The following EPPK1 variants were observed in gnomAD, a reference collection of about 807,000 sequenced individuals.
EPPK1 encodes epiplakin 1, also known as epiplakin.
For synonymous variants in EPPK1, 1,862 were observed against 1,721.2 expected (o/e 1.08, Z -2.03); for missense variants, 3,823 against 3,673.3 (o/e 1.04, Z -1.05).
rs782458066 is a variant in EPPK1 at position 143,868,159 on chromosome 8, C to G, written c.5095G>C (p.Val1699Leu). ...GIIDPVHSHR[V>L]PVDVAYRCGY... ...CAGCGGTAGGCCACGTCCACGGGCA[C>G]GCGGTGGCTGTGCACGGGGTCGATG... The change falls in exon 2 of 2, where the codon GTG (valine) becomes CTG (leucine). Residue 1699 changes from valine to leucine, a missense_variant. Transcript: ENST00000615648. 7 of 1,613,114 alleles carry G rather than the reference C, an allele frequency of 4.3e-6. No individual in the cohort carries two copies. In the Admixed American group the frequency reaches 8.3e-5, roughly 19 times the overall value.
rs1554657876 is a variant in EPPK1, at chr8:143,857,992, G to A, written c.15262C>T (p.Gln5088Ter). ...ACTGCACGGAGGAAGCCCAGTCACTGTAGAGAGAGAGAAAGAAATAGGAGC... is the reference window on the plus strand; with the variant it reads ...ACTGCACGGAGGAAGCCCAGTCACTATAGAGAGAGAGAAAGAAATAGGAGC... The part of the protein sequence containing the change: ...TGLLFLSLSL[Q>*] The change falls in exon 2 of 2, where the codon CAG (glutamine) becomes TAG (stop). Residue 5088 changes from glutamine (Q) to a stop codon, truncating the protein, a stop_gained. Transcript: ENST00000615648. LOFTEE classifies it high-confidence loss of function. 2 of 1,599,482 alleles carry A rather than the reference G, an allele frequency of 1.3e-6. No individual in the cohort carries two copies. Among genetic ancestry groups the A allele is most frequent in the Non-Finnish European group, 1.7e-6 (2 of 1,171,516 alleles).
Position 143,868,559 on chromosome 8 carries a change from C to A in EPPK1, c.4695G>T (p.Arg1565=). ...KEVAEMDSVK[R]SLEGGNFIAG... ...CAATGAAGTTGCCTCCCTCCAGGGACCGCTTCACGCTGTCCATCTCCGCCA... is the reference window on the plus strand; with the variant it reads ...CAATGAAGTTGCCTCCCTCCAGGGAACGCTTCACGCTGTCCATCTCCGCCA... Residue 1565 remains arginine (R), a synonymous_variant, in exon 2 of 2, where the codon CGG becomes CGT. Transcript: ENST00000615648. The A allele has an allele frequency of 6.2e-7, 1 of 1,604,064 alleles. No individual in the cohort carries two copies. Among genetic ancestry groups the A allele is most frequent in the Non-Finnish European group, 8.5e-7 (1 of 1,175,976 alleles).
At position 143,867,240 on chromosome 8, in the gene EPPK1, C is replaced by T; in HGVS notation, c.6014G>A (p.Arg2005Lys). ...KQLIEKAEAL[R>K]LLEVQVATGG... is the part of the protein sequence containing the mutation. The stretch of plus-strand genomic sequence containing the variant: ...CGTGGCCACCTGCACCTCCAGCAGC[C>T]TCAGTGCCTCCGCCTTCTCGATGAG... The change falls in exon 2 of 2, where the codon AGG (arginine) becomes AAG (lysine). Residue 2005 changes from arginine (R) to lysine (K), a missense_variant. By Grantham distance (26) the Arg-to-Lys change is conservative. Transcript: ENST00000615648. The T allele has an allele frequency of 6.2e-7, 1 of 1,612,756 alleles. No homozygotes were observed. The highest frequency in any genetic ancestry group is 8.5e-7 in the Non-Finnish European group (1 of 1,179,822).
chr8:143,877,923 G>C (rs1025267574), intron 1 of EPPK1, among the ~76,000 whole-genome samples: 1 of 152,018 alleles, frequency 6.6e-6, no homozygotes, highest in South Asian at 2.1e-4. Flanking sequence ...GACCCGGAGT[G>C]GCCACCCCTG....
In EPPK1 at chr8:143,867,418, G is replaced by T. The variant is rs782460294; in HGVS notation, c.5836C>A (p.Arg1946Ser). The T allele has an allele frequency of 6.2e-7, 1 of 1,612,812 alleles. No individual in the cohort carries two copies. The highest frequency in any genetic ancestry group is 1.1e-5 in the South Asian group (1 of 91,078). Residue 1946 changes from arginine (R) to serine (S), a missense_variant, in exon 2 of 2, where the codon CGC becomes AGC. Physicochemically the swap from Arg to Ser is moderately radical, Grantham distance 110. Transcript: ENST00000615648. ...ATGFLLDPCT[R>S]QKLSVDEAVD... The stretch of plus-strand genomic sequence containing the variant: ...GCCTCATCCACAGAGAGCTTCTGGC[G>T]GGTGCAGGGGTCCAGGAGGAACCCG...
chr8:143,878,054 C>T (rs752169391), intron 1 of EPPK1, among the ~76,000 whole-genome samples: 3 of 152,114 alleles, frequency 2.0e-5, no homozygotes, highest in Admixed American at 6.5e-5. Context: ...TGGGCGTTCC[C>T]CACCCTGCAG....
intron 1 of EPPK1, among the ~76,000 whole-genome samples, chr8:143,874,614 G>A (rs1323446217): frequency 2.0e-5 from 3 of 152,126 alleles, no homozygotes; most frequent in African/African-American, 4.8e-5. Context: ...CCCACTCCTC[G>A]CCTTCCGGCT....
Position 143,868,405 on chromosome 8 carries a change from G to A in EPPK1, c.4849C>T (p.Pro1617Ser), listed in dbSNP as rs1554659925. 1 of 1,612,634 alleles carries A rather than the reference G, an allele frequency of 6.2e-7. No individual in the cohort carries two copies. The highest frequency in any genetic ancestry group is 1.1e-5 in the South Asian group (1 of 91,078). ...ACGGTCAGCTTCCGGTTCTCCACGG[G>A]GTCGATGATGAAGCCGGTAGCTGCC... ...AQAATGFIIDPVENRKLTVEE... is the reference protein window; with the variant it reads ...AQAATGFIIDSVENRKLTVEE... Residue 1617 changes from proline to serine, a missense_variant, in exon 2 of 2, where the codon CCC becomes TCC. By Grantham distance (74) the Pro-to-Ser change is moderately conservative. Coordinates refer to ENST00000615648, the MANE Select transcript of EPPK1 (RefSeq NM_031308.4).
chr8:143,866,955 C>T lies in EPPK1; in HGVS notation c.6299G>A (p.Arg2100Lys), dbSNP rs1819140225. The T allele has an allele frequency of 6.2e-7, 1 of 1,612,878 alleles. No homozygotes were observed. The highest frequency in any genetic ancestry group is 8.5e-7 in the Non-Finnish European group (1 of 1,179,860). Residue 2100 changes from arginine (R) to lysine (K), a missense_variant, in exon 2 of 2, where the codon AGA becomes AAA. Coordinates refer to ENST00000615648, the MANE Select transcript of EPPK1 (RefSeq NM_031308.4). ...RDSEHIDDET[R>K]RALEAEQVEI... ...CACTTGCTCTGCCTCCAGGGCCCTTCTCGTCTCGTCATCGATGTGCTCGGA... is the reference window on the plus strand; with the variant it reads ...CACTTGCTCTGCCTCCAGGGCCCTTTTCGTCTCGTCATCGATGTGCTCGGA...
chr8:143,867,810 T>C lies in EPPK1; in HGVS notation c.5444A>G (p.Gln1815Arg), dbSNP rs1819183492. The C allele has an allele frequency of 3.1e-6, 5 of 1,613,602 alleles. No individual in the cohort carries two copies. Among genetic ancestry groups the C allele is most frequent in the Non-Finnish European group, 4.2e-6 (5 of 1,179,854 alleles). Reference protein sequence around the residue: ...FTEDRKRELIQEYGAQSGGLE... With the variant: ...FTEDRKRELIREYGAQSGGLE... The stretch of plus-strand genomic sequence containing the variant: ...GCCCCCACTCTGGGCTCCATACTCC[T>C]GGATGAGCTCCCGCTTCCTGTCCTC... Residue 1815 changes from glutamine (Q) to arginine (R), a missense_variant, in exon 2 of 2, where the codon CAG becomes CGG. Transcript: ENST00000615648.
Position 143,870,627 on chromosome 8 carries a change from G to A in EPPK1, c.2627C>T (p.Ala876Val), listed in dbSNP as rs782743415. ...CCGCAGTGCGGGCAGCATGATGTCC[G>A]CCTGTCTCTGCGTCTCCGCCTCCAG... ...KLLEAETQRQ[A>V]DIMLPALRSR... is the part of the protein sequence containing the mutation. Residue 876 changes from alanine to valine, a missense_variant, in exon 2 of 2, where the codon GCG (alanine) becomes GTG (valine). Ala to Val is a moderately conservative substitution (Grantham distance 64). Transcript: ENST00000615648. This position sits in a 1 kb window ranked among gnomAD's most constrained non-coding sequence, Gnocchi z 5.2. The A allele has an allele frequency of 1.8e-5, 29 of 1,605,704 alleles. No individual in the cohort carries two copies. Among genetic ancestry groups the A allele is most frequent in the African/African-American group, 2.7e-5 (2 of 74,788 alleles).
In EPPK1 at chr8:143,869,599, G is replaced by C. The variant is rs782482768; in HGVS notation, c.3655C>G (p.Leu1219Val). Residue 1219 changes from leucine (L) to valine (V), a missense_variant, in exon 2 of 2, where the codon CTT (leucine) becomes GTT (valine). By Grantham distance (32) the Leu-to-Val change is conservative. Coordinates refer to ENST00000615648, the MANE Select transcript of EPPK1 (RefSeq NM_031308.4). ...LDAGIITQET[L>V]EALAQGTQSP... ...TGCGTGCCCTGAGCCAGGGCCTCAA[G>C]GGTCTCCTGGGTGATGATGCCAGCA... is the stretch of plus-strand genomic sequence containing the variant. 4.5e-6 allele frequency: 7 copies of C among 1,565,890 alleles called. No homozygotes were observed. The highest frequency in any genetic ancestry group is 6.1e-6 in the Non-Finnish European group (7 of 1,156,360).
Position 143,872,311 on chromosome 8 carries a change from C to T in EPPK1, c.943G>A (p.Ala315Thr), listed in dbSNP as rs529464644. The T allele has an allele frequency of 3.4e-5, 54 of 1,602,664 alleles. No individual in the cohort carries two copies. The highest frequency in any genetic ancestry group is 1.7e-4 in the Middle Eastern group (1 of 5,980). Residue 315 changes from alanine (A) to threonine (T), a missense_variant, in exon 2 of 2, where the codon GCG (alanine) becomes ACG (threonine). Coordinates refer to ENST00000615648, the MANE Select transcript of EPPK1 (RefSeq NM_031308.4). ...ATEHLLPMGT[A>T]LPLLEAQAAT... ...GCCTGGGCCTCTAGGAGTGGCAGCG[C>T]GGTGCCCATTGGGAGCAGGTGCTCG...
In EPPK1 at chr8:143,858,003, G is replaced by A. The variant is rs1554657887; in HGVS notation, c.15251C>T (p.Ser5084Phe). The A allele has an allele frequency of 2.5e-6, 4 of 1,605,656 alleles. No homozygotes were observed. The East Asian group carries it at 8.9e-5, about 36-fold the overall frequency. Residue 5084 changes from serine (S) to phenylalanine (F), a missense_variant, in exon 2 of 2, where the codon TCT becomes TTT. By Grantham distance (155) the Ser-to-Phe change is radical. Transcript: ENST00000615648. ...GAAGCCCAGTCACTGTAGAGAGAGA[G>A]AAAGAAATAGGAGCCCCGTCTCAGG... Reference protein sequence around the residue: ...LDPETGLLFLSLSLQ With the variant: ...LDPETGLLFLFLSLQ
At position 143,871,306 on chromosome 8, in the gene EPPK1, T is replaced by C; in HGVS notation, c.1948A>G (p.Thr650Ala). Residue 650 changes from threonine (T) to alanine (A), a missense_variant, in exon 2 of 2, where the codon ACA becomes GCA. Transcript: ENST00000615648. Reference sequence around the variant, plus strand: ...GCTTTTGGGTCGATGATGAAGCCTGTGGCAGCTTGTGCCTCCAGAAGGATG... The same window carrying C: ...GCTTTTGGGTCGATGATGAAGCCTGCGGCAGCTTGTGCCTCCAGAAGGATG... The part of the protein sequence containing the change: ...ALILLEAQAA[T>A]GFIIDPKANK... The C allele has an allele frequency of 6.2e-7, 1 of 1,612,338 alleles. No homozygotes were observed. The highest frequency in any genetic ancestry group is 8.5e-7 in the Non-Finnish European group (1 of 1,179,630).
chr8:143,876,310 C>T (rs1586705002), intron 1 of EPPK1, among the ~76,000 whole-genome samples: 1 of 152,318 alleles, frequency 6.6e-6, no homozygotes, highest in East Asian at 1.9e-4. Context: ...AAGCCCTGAG[C>T]CAGCAGGCGC....
Position 143,871,497 on chromosome 8 carries a change from A to G in EPPK1, c.1757T>C (p.Leu586Pro), listed in dbSNP as rs377277699. ...EIIDQDLYER[L>P]EHGQATAKDV... ...CTTGGCTGTGGCCTGTCCATGCTCCAGCCGCTCGTACAGGTCCTGGTCGAT... is the reference window on the plus strand; with the variant it reads ...CTTGGCTGTGGCCTGTCCATGCTCCGGCCGCTCGTACAGGTCCTGGTCGAT... The change falls in exon 2 of 2, where the codon CTG becomes CCG. Residue 586 changes from leucine (L) to proline (P), a missense_variant. Leu to Pro is a moderately conservative substitution (Grantham distance 98, BLOSUM62 -3). Coordinates refer to ENST00000615648, the MANE Select transcript of EPPK1 (RefSeq NM_031308.4). The G allele has an allele frequency of 1.2e-6, 2 of 1,609,518 alleles. No homozygotes were observed. Among genetic ancestry groups the G allele is most frequent in the Non-Finnish European group, 1.7e-6 (2 of 1,178,822 alleles).
In EPPK1 at chr8:143,870,108, A is replaced by C; in HGVS notation, c.3146T>G (p.Ile1049Ser). The C allele has an allele frequency of 6.2e-7, 1 of 1,610,658 alleles. No homozygotes were observed. The highest frequency in any genetic ancestry group is 8.5e-7 in the Non-Finnish European group (1 of 1,179,056). ...LLEAQVATGG[I>S]IDPTSHHHLP... ...GTGGTGGTGGCTGGTGGGGTCAATG[A>C]TCCCTCCTGTGGCCACTTGAGCCTC... Residue 1049 changes from isoleucine to serine, a missense_variant, in exon 2 of 2, where the codon ATC (isoleucine) becomes AGC (serine). Ile to Ser is a moderately radical substitution (Grantham distance 142). Coordinates refer to ENST00000615648, the MANE Select transcript of EPPK1 (RefSeq NM_031308.4). The surrounding 1 kb of genome is among the most constrained non-coding windows in gnomAD (Gnocchi z 5.2).
In EPPK1 at chr8:143,869,911, G is replaced by C. The variant is rs1217999251; in HGVS notation, c.3343C>G (p.Leu1115Val). Residue 1115 changes from leucine (L) to valine (V), a missense_variant, in exon 2 of 2, where the codon CTG becomes GTG. Transcript: ENST00000615648. ...DETSGLHLLP[L>V]PESAPALPTE... Reference sequence around the variant, plus strand: ...GGGAGGGCAGGAGCACTTTCTGGCAGGGGCAGGAGGTGAAGGCCAGAAGTC... The same window carrying C: ...GGGAGGGCAGGAGCACTTTCTGGCACGGGCAGGAGGTGAAGGCCAGAAGTC... The C allele has an allele frequency of 1.2e-6, 2 of 1,609,102 alleles. No homozygotes were observed. The highest frequency in any genetic ancestry group is 1.7e-6 in the Non-Finnish European group (2 of 1,178,344).
Sources: allele counts gnomAD v4.1 joint callset (sites outside exome capture counted in the v4.1 genomes callset), GRCh38; gene constraint gnomAD v4.1.1; non-coding constraint Gnocchi (gnomAD v3.1); transcripts MANE v1.5; gene names NCBI Gene and HGNC (gene_info 2026-07-23, HGNC 2026-07-21).